Variants in DCHS2 observed in about 807,000 individuals in gnomAD.
DCHS2 encodes dachsous cadherin-related 2.
A neutral mutation model predicts 182.4 loss-of-function variants in DCHS2; 142 were observed. The ratio of observed to expected loss-of-function variants is 0.78; its 90% CI spans 0.68 to 0.89. DCHS2 has a LOEUF of 0.89. DCHS2 is among the 40% of genes least tolerant of loss of function. The pLI is 0.00. For synonymous variants in DCHS2, 1,740 were observed against 1,663.3 expected (o/e 1.05, Z -1.12); for missense variants, 4,319 against 4,198.6 (o/e 1.03, Z -0.79).
At chr4:154,384,526 C>T (rs1313519693) in intron 1 of DCHS2, 2 of 1,550,054 alleles carry the variant, frequency 1.3e-6, no homozygotes, top group East Asian at 2.4e-5. Flanking sequence ...TTCTAATCCC[C>T]AGAACCTATG....
Position 154,370,325 on chromosome 4 carries a change from G to A in DCHS2, c.2245-3884C>T, listed in dbSNP as rs1730584262. On this transcript the variant is annotated intron_variant, in intron 2 of 19. Coordinates refer to ENST00000357232, the MANE Select transcript of DCHS2 (RefSeq NM_001358235.2). ...GAAAAGCAGTCTTATAGAAGAGGTA[G>A]AGAGGGAAAAATAGATCAAATAAAG... Among the ~76,000 whole-genome samples, 4 of 152,134 alleles carry A rather than the reference G, an allele frequency of 2.6e-5. No homozygotes were observed. The South Asian group carries it at 8.3e-4, about 31-fold the overall frequency.
intron 1 of DCHS2, among the ~76,000 whole-genome samples, chr4:154,478,609 G>A (rs1427254505): frequency 6.6e-6 from 1 of 152,136 alleles, no homozygotes; most frequent in East Asian, 1.9e-4. Context: ...AGGGTTCCAG[G>A]AAACCATAGC....
At chr4:154,447,277 G>A (rs1311661900) in intron 1 of DCHS2, among the ~76,000 whole-genome samples, 1 of 152,008 alleles carries the variant, frequency 6.6e-6, no homozygotes, top group Non-Finnish European at 1.5e-5. Flanking sequence ...GGGCAACAGA[G>A]GAAAACTGTC....
chr4:154,309,281 T>C lies in DCHS2; in HGVS notation c.5261-4050A>G, dbSNP rs180704226. On this transcript the variant is annotated intron_variant, in intron 10 of 19. Transcript: ENST00000357232. ...TGGGTCTGGGGATCTGCAAACTACA[T>C]TCCCCATTGCCAACTACCTCTCTCC... Among the ~76,000 whole-genome samples the C allele has an allele frequency of 1.8e-3, 271 of 152,272 alleles. 2 individuals carry two copies. The highest frequency in any genetic ancestry group is 6.8e-3 in the Middle Eastern group (2 of 294).
intron 7 of DCHS2, among the ~76,000 whole-genome samples, chr4:154,325,081 C>T (rs935424528): frequency 2.4e-4 from 36 of 152,084 alleles, no homozygotes; most frequent in Admixed American, 2.4e-3. Flanking sequence ...CAAAGTATCA[C>T]TTCTTAGACT....
intron 3 of DCHS2, among the ~76,000 whole-genome samples, chr4:154,337,620 T>G (rs1019917064): frequency 6.6e-6 from 1 of 152,198 alleles, no homozygotes; most frequent in Non-Finnish European, 1.5e-5. Flanking sequence ...CTAGGCAAAG[T>G]GAACAGCTTG....
intron 1 of DCHS2, among the ~76,000 whole-genome samples, chr4:154,486,716 C>A (rs756955711): frequency 3.3e-5 from 5 of 152,118 alleles, no homozygotes; most frequent in Non-Finnish European, 5.9e-5. Context: ...TTCTTTGAAT[C>A]TCATATGGAA....
At chr4:154,384,684 G>A (rs575666481) in intron 1 of DCHS2, among the ~76,000 whole-genome samples, 9 of 152,090 alleles carry the variant, frequency 5.9e-5, no homozygotes, top group Non-Finnish European at 7.3e-5. Context: ...ATAGACAGAG[G>A]AAGGTCTGCC....
At chr4:154,392,836 C>CGG (rs1731768614) in intron 1 of DCHS2, among the ~76,000 whole-genome samples, 1 of 152,166 alleles carries the variant, frequency 6.6e-6, no homozygotes, top group African/African-American at 2.4e-5. Flanking sequence ...GGCTTAGTGT[C>CGG]AGGGAAAGTC....
At chr4:154,402,495 C>A (rs997279391) in intron 1 of DCHS2, among the ~76,000 whole-genome samples, 1 of 152,014 alleles carries the variant, frequency 6.6e-6, no homozygotes, top group African/African-American at 2.4e-5. Flanking sequence ...CTAAGTATAC[C>A]ATATTAGTCT....
intron 1 of DCHS2, among the ~76,000 whole-genome samples, chr4:154,407,443 A>G (rs970647364): frequency 6.6e-6 from 1 of 152,206 alleles, no homozygotes; most frequent in African/African-American, 2.4e-5. Flanking sequence ...ACTCTGAACT[A>G]TTGCATAGCC....
intron 3 of DCHS2, among the ~76,000 whole-genome samples, chr4:154,352,831 TCCTTTTACTGA>T (rs1729683873): frequency 6.6e-6 from 1 of 152,200 alleles, no homozygotes; most frequent in Non-Finnish European, 1.5e-5. Flanking sequence ...CCTTAATCTT[TCCTTTTACTGA>T]CCTTGTGGAG....
intron 13 of DCHS2, among the ~76,000 whole-genome samples, chr4:154,292,886 C>A (rs1734730321): frequency 1.3e-5 from 2 of 152,100 alleles, no homozygotes; most frequent in Admixed American, 1.3e-4. Context: ...CTTACCTAGC[C>A]CCTGCTCTAT....
intron 1 of DCHS2, among the ~76,000 whole-genome samples, chr4:154,471,879 G>C (rs1284674919): frequency 6.6e-6 from 1 of 152,076 alleles, no homozygotes; most frequent in Non-Finnish European, 1.5e-5. Context: ...GATTTTAAAG[G>C]TGATGCATAG....
intron 1 of DCHS2, among the ~76,000 whole-genome samples, chr4:154,459,680 G>A (rs1413225668): frequency 6.6e-6 from 1 of 151,680 alleles, no homozygotes; most frequent in East Asian, 1.9e-4. Flanking sequence ...GCCAAAGGAA[G>A]GTCAGCTCCA....
chr4:154,345,880 A>G (rs1042349040), intron 3 of DCHS2, among the ~76,000 whole-genome samples: 1 of 152,262 alleles, frequency 6.6e-6, no homozygotes, highest in Non-Finnish European at 1.5e-5. Flanking sequence ...AAGATGTCTT[A>G]GTCAGTTTGG....
intron 3 of DCHS2, among the ~76,000 whole-genome samples, chr4:154,353,098 C>T (rs1729694809): frequency 6.6e-6 from 1 of 152,150 alleles, no homozygotes; most frequent in Admixed American, 6.5e-5. Flanking sequence ...CAGATTCACA[C>T]CAGTTTTTAG....
At chr4:154,462,916 C>T (rs904291364) in intron 1 of DCHS2, among the ~76,000 whole-genome samples, 3 of 151,904 alleles carry the variant, frequency 2.0e-5, no homozygotes, top group Admixed American at 2.0e-4. Flanking sequence ...TATGTATATG[C>T]TCAATGTTTA....
rs761036594 is a variant in DCHS2 at position 154,320,662 on chromosome 4, G to T, written c.4737C>A (p.Ser1579Arg). Reference protein sequence around the residue: ...LVTVSRLDRESIPTVILTVTA... With the variant: ...LVTVSRLDRERIPTVILTVTA... Reference sequence around the variant, plus strand: ...TTACTGTCAGGATGACAGTTGGAATGCTTTCTCTGTCAAGACGGGACACAG... The same window carrying T: ...TTACTGTCAGGATGACAGTTGGAATTCTTTCTCTGTCAAGACGGGACACAG... The change falls in exon 9 of 20, where the codon AGC becomes AGA. Residue 1579 changes from serine (S) to arginine (R), a missense_variant. Transcript: ENST00000357232. The T allele has an allele frequency of 1.2e-6, 2 of 1,614,124 alleles. No individual in the cohort carries two copies. Among genetic ancestry groups the T allele is most frequent in the Non-Finnish European group, 8.5e-7 (1 of 1,180,024 alleles).
Sources: allele counts gnomAD v4.1 joint callset (sites outside exome capture counted in the v4.1 genomes callset), GRCh38; gene constraint gnomAD v4.1.1; transcripts MANE v1.5; gene names NCBI Gene and HGNC (gene_info 2026-07-23, HGNC 2026-07-21).